The following LRRFIP2 variants were observed in gnomAD, a reference collection of about 807,000 sequenced individuals.
LRRFIP2 encodes leucine-rich repeat flightless-interacting protein 2.
Under a neutral mutation model 125.9 loss-of-function variants are expected in LRRFIP2, and 109 were observed. The observed-to-expected ratio is 0.87, with a 90% CI of 0.74 to 1.01. The LOEUF is 1.01. LRRFIP2 is among the 50% of genes least tolerant of loss of function. The probability of loss-of-function intolerance (pLI) is 0.00; values close to 1 mark genes in which losing one functional copy is unlikely to be tolerated. For synonymous variants in LRRFIP2, 291 were observed against 293.1 expected, an observed-to-expected ratio of 0.99 and a Z score of 0.07; for missense variants, 850 against 862.3, an observed-to-expected ratio of 0.99 and a Z score of 0.18.
chr3:37,109,768 T>G (rs1380225847), intron 9 of LRRFIP2, 65 bp from the exon 10 acceptor site: 13 of 1,400,760 alleles, frequency 9.3e-6, no homozygotes, highest in Non-Finnish European at 1.2e-5. Flanking sequence ...CTCACCATCA[T>G]GAATGCAGAG....
chr3:37,071,654 C>A (rs1283909087), intron 21 of LRRFIP2, among the ~76,000 whole-genome samples: 3 of 152,156 alleles, frequency 2.0e-5, no homozygotes, highest in African/African-American at 7.2e-5. Flanking sequence ...GATTTCATAT[C>A]CAGGCCTGTC....
intron 22 of LRRFIP2, 94 bp from the exon 23 acceptor site, chr3:37,066,036 T>G (rs1041723405): frequency 4.9e-5 from 75 of 1,525,926 alleles, no homozygotes; most frequent in Non-Finnish European, 6.8e-5. Flanking sequence ...TTGCTACAGG[T>G]AAAACCTGGT....
intron 6 of LRRFIP2, among the ~76,000 whole-genome samples, chr3:37,120,333 G>C (rs577184643): frequency 4.6e-5 from 7 of 151,336 alleles, no homozygotes; most frequent in Non-Finnish European, 8.9e-5. Flanking sequence ...TTGAACTCCC[G>C]ATCTCAGGTG....
At chr3:37,064,015 A>C (rs2089488728) in intron 23 of LRRFIP2, 2 of 494,176 alleles carry the variant, frequency 4.0e-6, no homozygotes, top group Non-Finnish European at 7.3e-6. Context: ...ACCAAATCCA[A>C]CATTTGTTCC....
chr3:37,175,113 C>T (rs1305443602), upstream of LRRFIP2: 1 of 152,182 alleles, frequency 6.6e-6, no homozygotes, highest in East Asian at 1.9e-4. Flanking sequence ...AAAATGTTAT[C>T]TTGAAAAAAT....
At chr3:37,175,342 G>A (rs1348522054), upstream of LRRFIP2, 1 of 152,186 alleles carries the variant, frequency 6.6e-6, no homozygotes, top group Non-Finnish European at 1.5e-5. Flanking sequence ...AAGAAAACCA[G>A]CTACTAACAG....
Position 37,055,169 on chromosome 3 carries a change from G to A in LRRFIP2, c.1871-4C>T. 3 of 1,559,000 alleles carry A rather than the reference G, an allele frequency of 1.9e-6. No individual in the cohort carries two copies. Among genetic ancestry groups the A allele is most frequent in the Non-Finnish European group, 2.6e-6 (3 of 1,149,548 alleles). On this transcript the variant is annotated splice_polypyrimidine_tract_variant and splice_region_variant and intron_variant, in intron 25 of 27. Coordinates refer to ENST00000336686, the MANE Select transcript of LRRFIP2 (RefSeq NM_006309.4). ...CTAATTTGTCTATTGGCATCTCCTAGAACAGAAGAAGACAATGAATTATCT... is the reference window on the plus strand; with the variant it reads ...CTAATTTGTCTATTGGCATCTCCTAAAACAGAAGAAGACAATGAATTATCT...
chr3:37,140,611 C>A (rs990722820), intron 2 of LRRFIP2, among the ~76,000 whole-genome samples: 1 of 150,528 alleles, frequency 6.6e-6, no homozygotes, highest in African/African-American at 2.5e-5. Context: ...CAAGATCATG[C>A]CACAGTGCTC....
chr3:37,148,631 A>G lies in LRRFIP2; in HGVS notation c.90+263T>C, dbSNP rs184936344. Among the ~76,000 whole-genome samples, 12 of 152,364 alleles carry G rather than the reference A, an allele frequency of 7.9e-5. No homozygotes were observed. In the East Asian group the frequency reaches 2.3e-3, roughly 29 times the overall value. On this transcript the variant is annotated intron_variant, in intron 2 of 27. Coordinates refer to ENST00000336686, the MANE Select transcript of LRRFIP2 (RefSeq NM_006309.4). ...CTTTGGACATACCAAAGACCAATGC[A>G]GTCTGTGTGTATGCCCAAATTACAA...
chr3:37,148,483 C>G (rs1326362543), intron 2 of LRRFIP2, among the ~76,000 whole-genome samples: 1 of 152,180 alleles, frequency 6.6e-6, no homozygotes, highest in Non-Finnish European at 1.5e-5. Flanking sequence ...ACTAGTTTTA[C>G]CTACCACAGT....
chr3:37,121,280 T>C (rs1011123894), intron 6 of LRRFIP2, among the ~76,000 whole-genome samples: 4 of 152,194 alleles, frequency 2.6e-5, no homozygotes, highest in Admixed American at 2.6e-4. Flanking sequence ...CCCATGTTAA[T>C]AGATTAAAGT....
chr3:37,075,712 G>T (rs2148929225), intron 19 of LRRFIP2, among the ~76,000 whole-genome samples: 1 of 152,072 alleles, frequency 6.6e-6, no homozygotes, highest in South Asian at 2.1e-4. Flanking sequence ...AGAGCAAGTT[G>T]ATTTGAAAGA....
chr3:37,066,278 T>G lies in LRRFIP2; in HGVS notation c.1512A>C (p.Arg504=). 1.2e-6 allele frequency: 2 copies of G among 1,614,166 alleles called. No individual in the cohort carries two copies. Among genetic ancestry groups the G allele is most frequent in the South Asian group, 1.1e-5 (1 of 91,090 alleles). ...CAGCCAGCTCCTCTCTGAGCATATC[T>G]CGCTCATTCCTAAGGCAGGCAATGT... is the stretch of plus-strand genomic sequence containing the variant. ...KEYIACLRNE[R]DMLREELADL... The change falls in exon 22 of 28, where the codon CGA becomes CGC. Residue 504 remains arginine (R), a synonymous_variant. Transcript: ENST00000336686.
At chr3:37,131,812 G>C (rs944947514) in intron 2 of LRRFIP2, among the ~76,000 whole-genome samples, 1 of 152,208 alleles carries the variant, frequency 6.6e-6, no homozygotes, top group East Asian at 1.9e-4. Flanking sequence ...TTATGGGAAG[G>C]AAGCATGTAG....
At chr3:37,094,388 G>A (rs367822588) in intron 17 of LRRFIP2, among the ~76,000 whole-genome samples, 74 of 152,304 alleles carry the variant, frequency 4.9e-4, no homozygotes, top group Admixed American at 2.6e-4. Flanking sequence ...AAAACTGAGA[G>A]ATAACTATAT....
chr3:37,104,971 A>G (rs964651649), intron 14 of LRRFIP2, among the ~76,000 whole-genome samples: 1 of 152,180 alleles, frequency 6.6e-6, no homozygotes, highest in Non-Finnish European at 1.5e-5. Flanking sequence ...CAGTCTCCCA[A>G]GTAGCTGGGA....
chr3:37,160,499 G>C (rs2096307855), intron 1 of LRRFIP2, among the ~76,000 whole-genome samples: 1 of 152,150 alleles, frequency 6.6e-6, no homozygotes, highest in Non-Finnish European at 1.5e-5. Context: ...AGAGAACAGG[G>C]TCGGGCGCAG....
chr3:37,150,124 G>A (rs546510667), intron 1 of LRRFIP2, among the ~76,000 whole-genome samples: 1 of 152,212 alleles, frequency 6.6e-6, no homozygotes, highest in South Asian at 2.1e-4. Context: ...TACTATAGGA[G>A]GTGCTAAAGG....
chr3:37,163,470 G>A (rs545815804), intron 1 of LRRFIP2, among the ~76,000 whole-genome samples: 15 of 152,022 alleles, frequency 9.9e-5, no homozygotes, highest in South Asian at 2.1e-4. Context: ...CTTTGTCCTC[G>A]CATCTGCCAG....
Sources: allele counts gnomAD v4.1 joint callset (sites outside exome capture counted in the v4.1 genomes callset), GRCh38; gene constraint gnomAD v4.1.1; transcripts MANE v1.5; gene names NCBI Gene and HGNC (gene_info 2026-07-23, HGNC 2026-07-21).